NRG1: variants seen among roughly 807,000 people sequenced by gnomAD.
The protein encoded by NRG1 is neuregulin 1, also known as pro-neuregulin-1, membrane-bound isoform.
In NRG1, 18 loss-of-function variants were observed where a neutral mutation model predicts 63.8. The observed-to-expected ratio is 0.28, with a 90% CI of 0.19 to 0.42. The LOEUF (loss-of-function observed/expected upper bound fraction) is 0.42, where lower values mean the gene tolerates loss of function less well. NRG1 is among the 10% of genes least tolerant of loss of function. The probability of loss-of-function intolerance (pLI) is 1.00; values close to 1 mark genes in which losing one functional copy is unlikely to be tolerated. For missense variants in NRG1, 762 were observed against 814.7 expected, an observed-to-expected ratio of 0.94 and a Z score of 0.79; for synonymous variants, 302 against 301.3, an observed-to-expected ratio of 1.00 and a Z score of -0.02.
intron 1 of NRG1, among the ~76,000 whole-genome samples, chr8:32,371,448 C>T (rs1157877025): frequency 6.6e-6 from 1 of 152,162 alleles, no homozygotes; most frequent in Non-Finnish European, 1.5e-5. Context: ...TGAATCAAAT[C>T]AGAGAACACT....
intron 1 of NRG1, among the ~76,000 whole-genome samples, chr8:32,213,083 A>G (rs1436892366): frequency 6.6e-6 from 1 of 152,136 alleles, no homozygotes; most frequent in Non-Finnish European, 1.5e-5. Flanking sequence ...CAGGTTTTCT[A>G]TCTATTATTA....
chr8:32,210,681 A>T (rs1384135317), intron 1 of NRG1, among the ~76,000 whole-genome samples: 2 of 152,218 alleles, frequency 1.3e-5, no homozygotes, highest in Non-Finnish European at 2.9e-5. Flanking sequence ...TCTTCCTCCA[A>T]GCCTACAGAC....
At chr8:32,557,842 T>A (rs1835478631) in intron 1 of NRG1, among the ~76,000 whole-genome samples, 1 of 152,214 alleles carries the variant, frequency 6.6e-6, no homozygotes, top group African/African-American at 2.4e-5. Flanking sequence ...TGATTTTCCA[T>A]ATATTAAATT....
At chr8:32,329,999 T>G (rs1180360451) in intron 1 of NRG1, among the ~76,000 whole-genome samples, 1 of 127,256 alleles carries the variant, frequency 7.9e-6, no homozygotes, top group African/African-American at 3.0e-5. Flanking sequence ...CTCAGTCTCC[T>G]GAAGCTAGAA....
At chr8:31,755,750 G>A (rs754809196) in intron 1 of NRG1, among the ~76,000 whole-genome samples, 1 of 152,046 alleles carries the variant, frequency 6.6e-6, no homozygotes, top group Non-Finnish European at 1.5e-5. Context: ...TGCTCCCAGG[G>A]CTGTCCACTG....
At chr8:32,231,636 C>T (rs2132593116) in intron 1 of NRG1, among the ~76,000 whole-genome samples, 1 of 152,148 alleles carries the variant, frequency 6.6e-6, no homozygotes, top group East Asian at 2.0e-4. Context: ...CACAGTGGCT[C>T]ACACCTGTAA....
At chr8:32,531,700 G>C (rs1454378597) in intron 1 of NRG1, among the ~76,000 whole-genome samples, 3 of 152,084 alleles carry the variant, frequency 2.0e-5, no homozygotes, top group African/African-American at 7.2e-5. Context: ...TATGTAACTT[G>C]TTAAGGTAAA....
chr8:32,722,656 A>G (rs1029995497), intron 5 of NRG1, among the ~76,000 whole-genome samples: 1 of 152,210 alleles, frequency 6.6e-6, no homozygotes, highest in African/African-American at 2.4e-5. Context: ...AAAATATTTT[A>G]TACTTTAAAA....
chr8:31,916,318 G>A (rs1020570721), intron 1 of NRG1, among the ~76,000 whole-genome samples: 2 of 151,932 alleles, frequency 1.3e-5, no homozygotes, highest in South Asian at 2.1e-4. Flanking sequence ...CCACTAACTC[G>A]TCATCTAGCA....
At chr8:31,858,888 G>T (rs563247934) in intron 1 of NRG1, among the ~76,000 whole-genome samples, 5 of 152,080 alleles carry the variant, frequency 3.3e-5, no homozygotes, top group Non-Finnish European at 7.3e-5. Context: ...GATCTCTCGC[G>T]AACTGACTCC....
chr8:32,660,613 G>A (rs1349705106), intron 5 of NRG1, among the ~76,000 whole-genome samples: 7 of 152,156 alleles, frequency 4.6e-5, no homozygotes, highest in African/African-American at 1.4e-4. Flanking sequence ...GTGATTAAGA[G>A]CACACACTTT....
intron 1 of NRG1, among the ~76,000 whole-genome samples, chr8:32,468,643 T>C (rs1823369972): frequency 1.3e-5 from 2 of 152,196 alleles, no homozygotes; most frequent in African/African-American, 4.8e-5. Flanking sequence ...CACTTATTAC[T>C]CTATTCACTC....
At chr8:32,446,999 T>TTTTTTTTA (rs1554544525) in intron 1 of NRG1, among the ~76,000 whole-genome samples, 1 of 146,420 alleles carries the variant, frequency 6.8e-6, no homozygotes, top group African/African-American at 2.5e-5. Flanking sequence ...CTAAAATACT[T>TTTTTTTTA]TTTATTTATT....
intron 1 of NRG1, among the ~76,000 whole-genome samples, chr8:32,085,622 G>A (rs1449922987): frequency 2.6e-5 from 4 of 152,080 alleles, no homozygotes; most frequent in South Asian, 2.1e-4. Context: ...ACTGTTCACT[G>A]GACAATTTTT....
intron 1 of NRG1, among the ~76,000 whole-genome samples, chr8:31,771,881 G>T (rs1586293124): frequency 6.6e-6 from 1 of 152,144 alleles, no homozygotes; most frequent in Admixed American, 6.5e-5. Context: ...AAAAATACAA[G>T]CACAGTGCAA....
intron 1 of NRG1, among the ~76,000 whole-genome samples, chr8:31,849,136 G>C (rs905255942): frequency 7.9e-5 from 12 of 152,154 alleles, no homozygotes; most frequent in Non-Finnish European, 1.6e-4. Context: ...CCCATTTCAT[G>C]GCAGACATGC....
chr8:32,042,162 A>C (rs1201103713), intron 1 of NRG1, among the ~76,000 whole-genome samples: 1 of 152,182 alleles, frequency 6.6e-6, no homozygotes, highest in Non-Finnish European at 1.5e-5. Flanking sequence ...CAAGATTTAG[A>C]GACTGAGCAT....
At chr8:32,266,674 G>C (rs1347925925) in intron 1 of NRG1, among the ~76,000 whole-genome samples, 1 of 152,078 alleles carries the variant, frequency 6.6e-6, no homozygotes, top group Admixed American at 6.6e-5. Context: ...TGTATCTACA[G>C]TTCTGAAGAT....
At chr8:32,116,376 AG>A (rs747197229) in intron 1 of NRG1, among the ~76,000 whole-genome samples, 33 of 152,148 alleles carry the variant, frequency 2.2e-4, no homozygotes, top group Non-Finnish European at 2.2e-4. Context: ...AAGGAAGGAG[AG>A]GGGCTACAGC....
Sources: allele counts gnomAD v4.1 joint callset (sites outside exome capture counted in the v4.1 genomes callset), GRCh38; gene constraint gnomAD v4.1.1; transcripts MANE v1.5; gene names NCBI Gene and HGNC (gene_info 2026-07-23, HGNC 2026-07-21).